SPECC1L: variants seen among roughly 807,000 people sequenced by gnomAD.
SPECC1L encodes sperm antigen with calponin homology and coiled-coil domains 1 like.
SPECC1L carries 40 observed loss-of-function variants against 116.8 expected under a neutral mutation model. The ratio of observed to expected loss-of-function variants is 0.34; its 90% CI spans 0.27 to 0.45. SPECC1L has a LOEUF of 0.45. Among genes scored for constraint, SPECC1L ranks in the 20% least tolerant of loss-of-function variants. SPECC1L has a pLI of 1.00. For synonymous variants in SPECC1L, 504 were observed against 500.6 expected, an observed-to-expected ratio of 1.01 and a Z score of -0.09; for missense variants, 1,110 against 1,373.6, an observed-to-expected ratio of 0.81 and a Z score of 3.03.
At chr22:24,278,467 C>CA (rs2048878946) in intron 2 of SPECC1L, among the ~76,000 whole-genome samples, 1 of 152,062 alleles carries the variant, frequency 6.6e-6, no homozygotes, top group South Asian at 2.1e-4. Context: ...CACTCTAACT[C>CA]ATTGTGTTTC....
At chr22:24,298,222 T>G (rs942397007) in intron 2 of SPECC1L, among the ~76,000 whole-genome samples, 2 of 152,164 alleles carry the variant, frequency 1.3e-5, no homozygotes, top group African/African-American at 4.8e-5. Context: ...TCTGAGCATG[T>G]TTAAGATAGG....
At chr22:24,306,869 C>G (rs754873759) in intron 3 of SPECC1L, among the ~76,000 whole-genome samples, 3 of 152,202 alleles carry the variant, frequency 2.0e-5, no homozygotes, top group Non-Finnish European at 2.9e-5. Flanking sequence ...ATGAATTTCA[C>G]TGCTCTAGCT....
At chr22:24,343,282 A>G (rs1016938385) in intron 10 of SPECC1L, among the ~76,000 whole-genome samples, 1 of 152,186 alleles carries the variant, frequency 6.6e-6, no homozygotes, top group Non-Finnish European at 1.5e-5. Flanking sequence ...GAAAATCAGG[A>G]AGCTAAAGCA....
chr22:24,359,032 C>A (rs1177382260), intron 11 of SPECC1L, among the ~76,000 whole-genome samples: 1 of 152,146 alleles, frequency 6.6e-6, no homozygotes, highest in Non-Finnish European at 1.5e-5. Context: ...TCTCCTGTAT[C>A]TTCAACTTTA....
chr22:24,411,494 C>A, intron 14 of SPECC1L, 94 bp from the exon 15 acceptor site: 1 of 1,137,546 alleles, frequency 8.8e-7, no homozygotes. Context: ...GTTTTGGAGG[C>A]CATGCAGCAT....
intron 11 of SPECC1L, among the ~76,000 whole-genome samples, chr22:24,352,005 T>C (rs1357114503): frequency 6.6e-6 from 1 of 151,802 alleles, no homozygotes; most frequent in Non-Finnish European, 1.5e-5. Flanking sequence ...AAAAAGATGC[T>C]GCCTCTTGCT....
intron 14 of SPECC1L, among the ~76,000 whole-genome samples, chr22:24,390,887 T>C (rs1277375384): frequency 1.5e-5 from 2 of 129,686 alleles, no homozygotes; most frequent in Admixed American, 7.8e-5. Context: ...TTTTTTTTTT[T>C]TTTTTTTTTT....
intron 14 of SPECC1L, among the ~76,000 whole-genome samples, chr22:24,371,063 G>T (rs2041861726): frequency 6.6e-6 from 1 of 152,000 alleles, no homozygotes; most frequent in Non-Finnish European, 1.5e-5. Context: ...TGGTTAAAAT[G>T]ATTTTTTATG....
chr22:24,272,795 A>G (rs187303892), intron 1 of SPECC1L, among the ~76,000 whole-genome samples: 71 of 152,370 alleles, frequency 4.7e-4, no homozygotes, highest in Non-Finnish European at 9.6e-4. Context: ...TGGCTAATCC[A>G]GTATTTTTTT....
chr22:24,274,693 A>G (rs2048797284), intron 1 of SPECC1L, among the ~76,000 whole-genome samples: 5 of 152,208 alleles, frequency 3.3e-5, no homozygotes, highest in Admixed American at 3.3e-4. Flanking sequence ...CCAGAGGTTT[A>G]CTTCTGCCTG....
chr22:24,276,126 C>G (rs986095365), intron 1 of SPECC1L, among the ~76,000 whole-genome samples: 1 of 152,006 alleles, frequency 6.6e-6, no homozygotes, highest in Non-Finnish European at 1.5e-5. Flanking sequence ...GGGCATATTT[C>G]AGGGCTTTGG....
At chr22:24,299,915 CTT>C (rs2146397055) in intron 2 of SPECC1L, among the ~76,000 whole-genome samples, 1 of 152,250 alleles carries the variant, frequency 6.6e-6, no homozygotes, top group East Asian at 1.9e-4. Flanking sequence ...CTGGCAATCA[CTT>C]ATATTCTTTT....
intron 10 of SPECC1L, among the ~76,000 whole-genome samples, chr22:24,342,212 A>G (rs1015820014): frequency 6.6e-6 from 1 of 152,254 alleles, no homozygotes; most frequent in Admixed American, 6.5e-5. Context: ...GACAATGAAG[A>G]AGCAGGAAAA....
intron 2 of SPECC1L, among the ~76,000 whole-genome samples, chr22:24,288,615 C>CT (rs756714389): frequency 0.035 from 2,184 of 61,642 alleles, 630 homozygotes; most frequent in East Asian, 0.078. Context: ...AAATTTTAAG[C>CT]TTTTTTTTTT....
intron 4 of SPECC1L, among the ~76,000 whole-genome samples, chr22:24,319,329 G>A (rs1304763879): frequency 1.3e-5 from 2 of 152,236 alleles, no homozygotes; most frequent in Non-Finnish European, 2.9e-5. Context: ...GAGAATGAGA[G>A]CCAAGCAAAG....
intron 4 of SPECC1L, among the ~76,000 whole-genome samples, chr22:24,316,742 A>G (rs976426448): frequency 6.7e-6 from 1 of 149,722 alleles, no homozygotes; most frequent in Non-Finnish European, 1.5e-5. Context: ...CCCCCTTTCT[A>G]TTCCACAAAA....
intron 2 of SPECC1L, among the ~76,000 whole-genome samples, chr22:24,281,557 A>G (rs58523178): frequency 0.011 from 1,654 of 152,304 alleles, 27 homozygotes; most frequent in African/African-American, 0.038. Context: ...ATTTACTTCT[A>G]TTTCATATAT....
rs752083293 is a variant in SPECC1L at position 24,322,945 on chromosome 22, C to A, written c.1938+27C>A. 8.7e-6 allele frequency: 14 copies of A among 1,612,660 alleles called. No homozygotes were observed. The East Asian group carries it at 2.2e-4, about 26-fold the overall frequency. On this transcript the variant is annotated intron_variant, in intron 5 of 16. Coordinates refer to ENST00000314328, the MANE Select transcript of SPECC1L (RefSeq NM_015330.6). ...TATTGTTTAAATAGATTAAAATGTT[C>A]CGGACAGCATTAGGCAGCTGCCATG... is the stretch of plus-strand genomic sequence containing the variant.
intron 10 of SPECC1L, among the ~76,000 whole-genome samples, chr22:24,343,778 C>G (rs2041230425): frequency 6.6e-6 from 1 of 151,792 alleles, no homozygotes; most frequent in Admixed American, 6.6e-5. Context: ...AAGAAAAACC[C>G]TGTCAACTTA....
Sources: allele counts gnomAD v4.1 joint callset (sites outside exome capture counted in the v4.1 genomes callset), GRCh38; gene constraint gnomAD v4.1.1; transcripts MANE v1.5; gene names NCBI Gene and HGNC (gene_info 2026-07-23, HGNC 2026-07-21).